The following DGKB variants were observed in gnomAD, a reference collection of about 807,000 sequenced individuals.
DGKB encodes the protein 90 kDa diacylglycerol kinase.
DGKB carries 67 observed loss-of-function variants against 114.3 expected under a neutral mutation model. The observed-to-expected ratio is 0.59, with a 90% CI of 0.48 to 0.72. The LOEUF (loss-of-function observed/expected upper bound fraction) is 0.72. Among genes scored for constraint, DGKB ranks in the 30% least tolerant of loss-of-function variants. The pLI is 0.00. For synonymous variants in DGKB, 398 were observed against 323.1 expected, an observed-to-expected ratio of 1.23 and a Z score of -2.49; for missense variants, 907 against 975.2, an observed-to-expected ratio of 0.93 and a Z score of 0.93.
At chr7:14,236,841 C>A (rs974238585) in intron 23 of DGKB, among the ~76,000 whole-genome samples, 17 of 151,908 alleles carry the variant, frequency 1.1e-4, no homozygotes, top group Admixed American at 1.1e-3. Flanking sequence ...TGAAAACAGT[C>A]GTGTAGACCC....
At chr7:14,664,974 A>C (rs1466244911) in intron 13 of DGKB, among the ~76,000 whole-genome samples, 1 of 152,028 alleles carries the variant, frequency 6.6e-6, no homozygotes, top group Non-Finnish European at 1.5e-5. Flanking sequence ...AGCACTGCAG[A>C]TATTGTGTAT....
chr7:14,318,646 G>A (rs1322293645), intron 23 of DGKB, among the ~76,000 whole-genome samples: 2 of 152,016 alleles, frequency 1.3e-5, no homozygotes, highest in African/African-American at 2.4e-5. Flanking sequence ...AACAGGTGCT[G>A]GAGAGGATGT....
At chr7:14,237,439 A>C (rs1463714012) in intron 23 of DGKB, among the ~76,000 whole-genome samples, 2 of 151,832 alleles carry the variant, frequency 1.3e-5, no homozygotes, top group Non-Finnish European at 2.9e-5. Flanking sequence ...ATATATGAGG[A>C]ATTTATTCTT....
intron 20 of DGKB, among the ~76,000 whole-genome samples, chr7:14,555,913 C>A (rs1795799656): frequency 1.3e-5 from 2 of 152,164 alleles, no homozygotes; most frequent in African/African-American, 4.8e-5. Context: ...GTTTAGCATA[C>A]AATAACAAAT....
Position 14,330,323 on chromosome 7 carries a change from A to C in DGKB, c.2122+8192T>G, listed in dbSNP as rs148107910. ...AAACTCATTTTTCTTGTTTCCCTAC[A>C]TTCATTAGGTGATAGAGAGTTGCTC... On this transcript the variant is annotated intron_variant, in intron 23 of 25. Transcript: ENST00000402815. Among the ~76,000 whole-genome samples, 219 of 152,054 alleles carry C rather than the reference A, an allele frequency of 1.4e-3. 6 individuals are homozygous for C. In the East Asian group the frequency reaches 0.038, roughly 26 times the overall value.
rs187276195 is a variant in DGKB, at chr7:14,860,348, T to C, written c.-187-18898A>G. On this transcript the variant is annotated intron_variant, in intron 1 of 25. Transcript: ENST00000402815. Reference sequence around the variant, plus strand: ...CATCACCTGCCTTGTAACATAAGTGTTTCTTAGATCAAATTTGAATTTTGA... The same window carrying C: ...CATCACCTGCCTTGTAACATAAGTGCTTCTTAGATCAAATTTGAATTTTGA... Among the ~76,000 whole-genome samples, 222 of 152,146 alleles carry C rather than the reference T, an allele frequency of 1.5e-3. 2 individuals are homozygous for C. The highest frequency in any genetic ancestry group is 2.2e-3 in the Non-Finnish European group (148 of 67,932).
intron 23 of DGKB, among the ~76,000 whole-genome samples, chr7:14,260,451 G>A (rs1295014109): frequency 6.6e-6 from 1 of 152,126 alleles, no homozygotes; most frequent in African/African-American, 2.4e-5. Flanking sequence ...CCCTGCTGCT[G>A]ATCATCCAGC....
chr7:14,178,232 T>A (rs530097557), intron 23 of DGKB, 81 bp from the exon 24 acceptor site: 1 of 1,420,442 alleles, frequency 7.0e-7, no homozygotes, highest in Non-Finnish European at 9.5e-7. Context: ...TTATGGAGAT[T>A]AAAAAAAATA....
At chr7:14,478,443 T>C (rs1006135736) in intron 20 of DGKB, among the ~76,000 whole-genome samples, 1 of 152,168 alleles carries the variant, frequency 6.6e-6, no homozygotes, top group Admixed American at 6.5e-5. Context: ...AATTTCACAA[T>C]TGATTATTTG....
At chr7:14,484,033 G>GTT (rs200501740) in intron 20 of DGKB, among the ~76,000 whole-genome samples, 3,590 of 141,230 alleles carry the variant, frequency 0.025, 147 homozygotes, top group East Asian at 0.1. Flanking sequence ...TTCATGTAGG[G>GTT]TTTTTTTTTT....
chr7:14,313,618 C>T (rs1208851443), intron 23 of DGKB, among the ~76,000 whole-genome samples: 1 of 152,208 alleles, frequency 6.6e-6, no homozygotes, highest in African/African-American at 2.4e-5. Flanking sequence ...CCGCACCTGG[C>T]TCGGAGGGTC....
At chr7:14,329,721 G>A (rs1047994886) in intron 23 of DGKB, among the ~76,000 whole-genome samples, 19 of 151,880 alleles carry the variant, frequency 1.3e-4, no homozygotes, top group African/African-American at 3.9e-4. Flanking sequence ...GGGCAAGATC[G>A]CTATCAGGCT....
At chr7:14,403,604 C>T (rs985548626) in intron 21 of DGKB, among the ~76,000 whole-genome samples, 3 of 151,952 alleles carry the variant, frequency 2.0e-5, no homozygotes, top group Non-Finnish European at 2.9e-5. Flanking sequence ...AACTCCAATG[C>T]AACTCCTGTT....
chr7:14,484,480 G>A lies in DGKB; in HGVS notation c.1771-6255C>T, dbSNP rs543616745. On this transcript the variant is annotated intron_variant, in intron 20 of 25. Transcript: ENST00000402815. ...AATGGGTGAGTTCTCATGAGATCTG[G>A]CTTCCTAAAGTGTGTGGCATCTCCC... Among the ~76,000 whole-genome samples, 11 of 152,202 alleles carry A rather than the reference G, an allele frequency of 7.2e-5. No individual in the cohort carries two copies. In the East Asian group the frequency reaches 2.1e-3, roughly 29 times the overall value.
intron 23 of DGKB, among the ~76,000 whole-genome samples, chr7:14,209,865 A>G (rs950980000): frequency 6.7e-6 from 1 of 149,700 alleles, no homozygotes; most frequent in Non-Finnish European, 1.5e-5. Flanking sequence ...GCTATCTGGC[A>G]AATTGAAAAG....
chr7:14,965,170 G>A (rs1787081694), intron 1 of DGKB, among the ~76,000 whole-genome samples: 1 of 152,116 alleles, frequency 6.6e-6, no homozygotes, highest in Admixed American at 6.6e-5. Context: ...AGATATGCAA[G>A]TAGAAAAATC....
At chr7:14,771,781 C>G (rs1266266135) in intron 2 of DGKB, among the ~76,000 whole-genome samples, 2 of 152,066 alleles carry the variant, frequency 1.3e-5, no homozygotes, top group Non-Finnish European at 2.9e-5. Flanking sequence ...AATAGAGAAT[C>G]CCCTTCCCCC....
chr7:14,903,923 T>C (rs538810691), upstream of DGKB, among the ~76,000 whole-genome samples: 2 of 152,236 alleles, frequency 1.3e-5, no homozygotes, highest in East Asian at 1.9e-4. Context: ...ATCTATATAA[T>C]ATTCTCAATG....
chr7:14,682,014 G>A (rs1280469070), intron 12 of DGKB, among the ~76,000 whole-genome samples: 3 of 151,426 alleles, frequency 2.0e-5, no homozygotes, highest in Non-Finnish European at 4.4e-5. Flanking sequence ...CGGTCTACTT[G>A]CCCTTCTATC....
Sources: allele counts gnomAD v4.1 joint callset (sites outside exome capture counted in the v4.1 genomes callset), GRCh38; gene constraint gnomAD v4.1.1; transcripts MANE v1.5; gene names NCBI Gene and HGNC (gene_info 2026-07-23, HGNC 2026-07-21).